Variants in FKTN observed in about 807,000 individuals in gnomAD.
FKTN encodes the protein fukutin, also known as ribitol-5-phosphate transferase FKTN.
A neutral mutation model predicts 58.6 loss-of-function variants in FKTN; 47 were observed. The observed-to-expected ratio is 0.80, with a 90% CI of 0.63 to 1.02. The LOEUF (loss-of-function observed/expected upper bound fraction) is 1.02, where lower values mean the gene tolerates loss of function less well. FKTN is among the 50% of genes least tolerant of loss of function. The pLI is 0.00. For missense variants in FKTN, 516 were observed against 537.3 expected, an observed-to-expected ratio of 0.96 and a Z score of 0.39; for synonymous variants, 178 against 191.9, an observed-to-expected ratio of 0.93 and a Z score of 0.60.
chr9:105,604,922 C>G (rs1011918142), intron 6 of FKTN, among the ~76,000 whole-genome samples: 3 of 150,032 alleles, frequency 2.0e-5, no homozygotes, highest in African/African-American at 7.4e-5. Flanking sequence ...TGATACCACA[C>G]TCTAGGCTGG....
intron 10 of FKTN, among the ~76,000 whole-genome samples, chr9:105,626,255 T>C (rs1314127965): frequency 1.3e-5 from 2 of 152,168 alleles, no homozygotes. Context: ...CAGGCTGCTA[T>C]AACAAAATAC....
Position 105,607,966 on chromosome 9 carries a change from A to C in FKTN, c.780+15A>C, listed in dbSNP as rs1829211320. 6.2e-7 allele frequency: 1 copy of C among 1,605,392 alleles called. No homozygotes were observed. The highest frequency in any genetic ancestry group is 2.2e-5 in the East Asian group (1 of 44,756). ...CATTCTTTCAGGTTAGAGACAACCAAATGTGTACTTTTAAATTAAAGAAAA... is the reference window on the plus strand; with the variant it reads ...CATTCTTTCAGGTTAGAGACAACCACATGTGTACTTTTAAATTAAAGAAAA... On this transcript the variant is annotated intron_variant, in intron 7 of 10. Coordinates refer to ENST00000357998, the MANE Select transcript of FKTN (RefSeq NM_001079802.2).
At chr9:105,566,277 GA>G (rs1216856558) in intron 1 of FKTN, among the ~76,000 whole-genome samples, 4 of 152,108 alleles carry the variant, frequency 2.6e-5, no homozygotes, top group East Asian at 3.9e-4. Context: ...AAAGCTAACA[GA>G]AGGCAAGAAA....
At chr9:105,585,697 A>G (rs1327003043) in intron 3 of FKTN, among the ~76,000 whole-genome samples, 4 of 152,216 alleles carry the variant, frequency 2.6e-5, no homozygotes, top group Non-Finnish European at 5.9e-5. Context: ...TACCGATTAC[A>G]TCTGAATTGC....
intron 3 of FKTN, among the ~76,000 whole-genome samples, chr9:105,595,897 T>C (rs1826711574): frequency 6.6e-6 from 1 of 152,224 alleles, no homozygotes; most frequent in South Asian, 2.1e-4. Flanking sequence ...TCATTACGCT[T>C]GAAACATTCT....
chr9:105,568,023 T>C (rs1273125891), intron 1 of FKTN, among the ~76,000 whole-genome samples: 1 of 151,986 alleles, frequency 6.6e-6, no homozygotes, highest in Non-Finnish European at 1.5e-5. Flanking sequence ...ACAAAACTGA[T>C]AAAAACAAGA....
intron 1 of FKTN, among the ~76,000 whole-genome samples, chr9:105,566,004 A>C (rs374376253): frequency 1.3e-4 from 20 of 152,160 alleles, no homozygotes; most frequent in Non-Finnish European, 1.9e-4. Context: ...CTCACTCAAA[A>C]CCGCTCAAAT....
intron 3 of FKTN, among the ~76,000 whole-genome samples, chr9:105,592,120 G>T (rs2263594): frequency 0.96 from 146,428 of 152,312 alleles, 70,429 homozygotes; most frequent in East Asian, 1. Context: ...TCAAAGCCTT[G>T]TCCCCATTTT....
chr9:105,581,365 T>G (rs1207255630), intron 3 of FKTN, among the ~76,000 whole-genome samples: 2 of 148,382 alleles, frequency 1.3e-5, no homozygotes, highest in Admixed American at 6.7e-5. Flanking sequence ...TCCTTTCTGT[T>G]TGTTAGTTTT....
intron 1 of FKTN, among the ~76,000 whole-genome samples, chr9:105,570,340 A>G (rs1337563574): frequency 6.6e-6 from 1 of 152,156 alleles, no homozygotes; most frequent in African/African-American, 2.4e-5. Context: ...TAACAGTTAT[A>G]ATGCAAAATA....
At chr9:105,566,249 C>T (rs542940951) in intron 1 of FKTN, among the ~76,000 whole-genome samples, 1 of 152,008 alleles carries the variant, frequency 6.6e-6, no homozygotes, top group African/African-American at 2.4e-5. Flanking sequence ...ACTAGAGAAG[C>T]AAGAGCAAAC....
intron 10 of FKTN, among the ~76,000 whole-genome samples, chr9:105,629,639 C>T (rs1050885938): frequency 6.6e-6 from 1 of 152,012 alleles, no homozygotes; most frequent in Admixed American, 6.6e-5. Context: ...AGGCTTTGTC[C>T]TCTGGCATTG....
At chr9:105,560,546 G>A (rs902882455) in intron 1 of FKTN, among the ~76,000 whole-genome samples, 3 of 152,112 alleles carry the variant, frequency 2.0e-5, no homozygotes, top group Non-Finnish European at 4.4e-5. Flanking sequence ...ATATAGAAAA[G>A]TGTAAAGAAC....
chr9:105,585,178 A>C (rs1843688820), intron 3 of FKTN, among the ~76,000 whole-genome samples: 1 of 152,156 alleles, frequency 6.6e-6, no homozygotes. Context: ...TAATCCCAGC[A>C]CTTTGGGAGG....
intron 5 of FKTN, 55 bp downstream of exon 5, chr9:105,601,403 G>T: frequency 8.1e-7 from 1 of 1,227,222 alleles, no homozygotes; most frequent in East Asian, 2.3e-5. Context: ...AAATAGTATA[G>T]GTTTAGGCTA....
At chr9:105,627,737 T>G (rs1393171820) in intron 10 of FKTN, among the ~76,000 whole-genome samples, 1 of 152,214 alleles carries the variant, frequency 6.6e-6, no homozygotes. Context: ...TTCCTCTGCA[T>G]TTCTATAGAT....
intron 3 of FKTN, among the ~76,000 whole-genome samples, chr9:105,591,346 A>T (rs765830997): frequency 1.3e-5 from 2 of 152,218 alleles, no homozygotes; most frequent in Non-Finnish European, 2.9e-5. Flanking sequence ...ATAAAAAATT[A>T]GTTAGTTACT....
At chr9:105,584,448 T>G (rs1843559589) in intron 3 of FKTN, among the ~76,000 whole-genome samples, 1 of 152,060 alleles carries the variant, frequency 6.6e-6, no homozygotes, top group African/African-American at 2.4e-5. Context: ...TAGATTCTTG[T>G]TTTTTATGTT....
chr9:105,593,272 TCTCAGGATAA>T, intron 3 of FKTN, among the ~76,000 whole-genome samples: 1 of 152,150 alleles, frequency 6.6e-6, no homozygotes, highest in Admixed American at 6.5e-5. Context: ...AACAGTTAGA[TCTCAGGATAA>T]CTCACTCACT....
Sources: allele counts gnomAD v4.1 joint callset (sites outside exome capture counted in the v4.1 genomes callset), GRCh38; gene constraint gnomAD v4.1.1; transcripts MANE v1.5; gene names NCBI Gene and HGNC (gene_info 2026-07-23, HGNC 2026-07-21).